The following IPO11 variants were observed in gnomAD, a reference collection of about 807,000 sequenced individuals.
The protein encoded by IPO11 is importin-11.
Under a neutral mutation model 143.2 loss-of-function variants are expected in IPO11, and 66 were observed. The observed-to-expected ratio is 0.46, with a 90% CI of 0.38 to 0.57. The LOEUF (loss-of-function observed/expected upper bound fraction) is 0.57, where lower values mean the gene tolerates loss of function less well. Among genes scored for constraint, IPO11 ranks in the 20% least tolerant of loss-of-function variants. IPO11 has a pLI of 0.00. For synonymous variants in IPO11, 385 were observed against 377.8 expected (o/e 1.02, Z -0.22); for missense variants, 1,026 against 1,141.0 (o/e 0.90, Z 1.45).
chr5:62,434,299 CTT>C (rs34058984), intron 1 of IPO11, among the ~76,000 whole-genome samples: 1 of 151,118 alleles, frequency 6.6e-6, no homozygotes, highest in Non-Finnish European at 1.5e-5. Context: ...TGCAGTCAGT[CTT>C]TTTTTTTGTT....
chr5:62,619,555 T>C (rs1392366882), intron 29 of IPO11, among the ~76,000 whole-genome samples: 1 of 152,142 alleles, frequency 6.6e-6, no homozygotes, highest in Non-Finnish European at 1.5e-5. Flanking sequence ...AAATATCTGT[T>C]TGAAACTGCA....
At chr5:62,485,800 T>TG (rs1746376856) in intron 12 of IPO11, among the ~76,000 whole-genome samples, 1 of 148,662 alleles carries the variant, frequency 6.7e-6, no homozygotes, top group African/African-American at 2.5e-5. Flanking sequence ...CCGTGTGCCA[T>TG]GATGATGCCA....
chr5:62,541,329 C>T (rs566017422), intron 24 of IPO11, among the ~76,000 whole-genome samples: 13 of 151,394 alleles, frequency 8.6e-5, no homozygotes, highest in African/African-American at 3.2e-4. Flanking sequence ...CGAGATGACG[C>T]CATTGCACTT....
chr5:62,484,144 G>A lies in IPO11; in HGVS notation c.1156G>A (p.Glu386Lys). The A allele has an allele frequency of 6.3e-7, 1 of 1,597,716 alleles. No individual in the cohort carries two copies. Among genetic ancestry groups the A allele is most frequent in the Non-Finnish European group, 8.5e-7 (1 of 1,175,806 alleles). The change falls in exon 11 of 30, where the codon GAA (glutamate) becomes AAA (lysine). Residue 386 changes from glutamate to lysine, a missense_variant. Glu to Lys is a moderately conservative substitution (Grantham distance 56). This residue lies in a region of IPO11 where 429 missense variants were observed against 456.3 expected (regional missense o/e 0.94). Transcript: ENST00000325324. ...LTEEELTMWE[E>K]DPEGFTVEET... Reference sequence around the variant, plus strand: ...TGAAGAAGAACTGACAATGTGGGAAGAAGACCCAGAAGGCTTTAGTAAGAA... The same window carrying A: ...TGAAGAAGAACTGACAATGTGGGAAAAAGACCCAGAAGGCTTTAGTAAGAA...
chr5:62,505,694 G>A (rs1470349056), intron 18 of IPO11, among the ~76,000 whole-genome samples: 4 of 151,962 alleles, frequency 2.6e-5, no homozygotes, highest in Non-Finnish European at 4.4e-5. Context: ...GCCAGACATA[G>A]GGTATTTGTT....
intron 19 of IPO11, among the ~76,000 whole-genome samples, chr5:62,510,564 C>T (rs1198858450): frequency 6.6e-6 from 1 of 152,136 alleles, no homozygotes; most frequent in Non-Finnish European, 1.5e-5. Context: ...AACACTGATA[C>T]AATACTATTA....
rs1381559441 is a variant in IPO11, at chr5:62,580,754, C to T, written c.2583-10823C>T. The stretch of plus-strand genomic sequence containing the variant: ...ATGATGGCCTGGCATAAAGTAACCA[C>T]AAATGGCAGTCCTCTGGAAAATACT... On this transcript the variant is annotated intron_variant, in intron 27 of 29. Transcript: ENST00000325324. 8 of 1,551,446 alleles carry T rather than the reference C, an allele frequency of 5.2e-6. No individual in the cohort carries two copies.
intron 29 of IPO11, 131 bp downstream of exon 29, chr5:62,601,979 T>A (rs989282438): frequency 1.7e-5 from 9 of 530,364 alleles, no homozygotes; most frequent in Admixed American, 3.8e-5. Flanking sequence ...ACAGAATTAA[T>A]GTAAGGTGTA....
chr5:62,538,243 A>G (rs902808837), intron 24 of IPO11, among the ~76,000 whole-genome samples: 2 of 152,212 alleles, frequency 1.3e-5, no homozygotes, highest in Admixed American at 6.5e-5. Flanking sequence ...GCACTTAGGT[A>G]ATCAGAGTAA....
chr5:62,487,754 T>C lies in IPO11; in HGVS notation c.1219-17T>C. 6.5e-7 allele frequency: 1 copy of C among 1,539,834 alleles called. No homozygotes were observed. The highest frequency in any genetic ancestry group is 1.4e-5 in the African/African-American group (1 of 72,128). ...TGCAACTGTTTTGATGAGAAATTTG[T>C]ATTTTTCCCTCTCCAGCCATGCACT... is the stretch of plus-strand genomic sequence containing the variant. On this transcript the variant is annotated splice_polypyrimidine_tract_variant and intron_variant, in intron 12 of 29. Transcript: ENST00000325324.
chr5:62,545,460 A>G (rs1743135295), intron 24 of IPO11, among the ~76,000 whole-genome samples: 1 of 152,136 alleles, frequency 6.6e-6, no homozygotes, highest in South Asian at 2.1e-4. Context: ...AAGATGGATT[A>G]AAGACTTAAG....
chr5:62,614,416 A>G (rs1363650860), intron 29 of IPO11, among the ~76,000 whole-genome samples: 2 of 152,222 alleles, frequency 1.3e-5, no homozygotes, highest in African/African-American at 4.8e-5. Context: ...CCTTCCCGCC[A>G]GCATTGTCAT....
intron 22 of IPO11, among the ~76,000 whole-genome samples, chr5:62,535,662 G>A (rs951447710): frequency 6.6e-6 from 1 of 151,984 alleles, no homozygotes; most frequent in African/African-American, 2.4e-5. Context: ...TGCCTTCAGA[G>A]ACATTTTGAG....
intron 5 of IPO11, among the ~76,000 whole-genome samples, chr5:62,455,234 T>TA (rs908927023): frequency 6.6e-6 from 1 of 151,986 alleles, no homozygotes; most frequent in African/African-American, 2.4e-5. Context: ...GTTTCCTACA[T>TA]AAAAAAATGT....
intron 20 of IPO11, among the ~76,000 whole-genome samples, chr5:62,522,493 C>T (rs1036075572): frequency 6.6e-6 from 1 of 152,084 alleles, no homozygotes; most frequent in Non-Finnish European, 1.5e-5. Context: ...TCATGTTGGC[C>T]GGGCTAGTCT....
chr5:62,470,699 T>A (rs1745732824), intron 7 of IPO11, among the ~76,000 whole-genome samples: 1 of 151,814 alleles, frequency 6.6e-6, no homozygotes, highest in African/African-American at 2.4e-5. Context: ...GTCTGATCAT[T>A]ACATTAATAC....
At chr5:62,619,847 A>G (rs1746281721) in intron 29 of IPO11, among the ~76,000 whole-genome samples, 1 of 151,776 alleles carries the variant, frequency 6.6e-6, no homozygotes, top group South Asian at 2.1e-4. Context: ...TGACAGGGCG[A>G]GACTCCACCT....
At chr5:62,529,215 GT>G (rs1400252243) in intron 21 of IPO11, among the ~76,000 whole-genome samples, 7 of 152,010 alleles carry the variant, frequency 4.6e-5, no homozygotes, top group Admixed American at 1.3e-4. Context: ...ACTTTGTATA[GT>G]TTTTTTGTTT....
intron 27 of IPO11, among the ~76,000 whole-genome samples, chr5:62,573,487 C>G (rs1744213890): frequency 6.6e-6 from 1 of 152,110 alleles, no homozygotes; most frequent in Non-Finnish European, 1.5e-5. Flanking sequence ...TTCTGAATTA[C>G]TGAGTAGCTA....
Sources: gnomAD v4.1 joint callset for allele counts (sites outside exome capture counted in the v4.1 genomes callset) on GRCh38, gnomAD v4.1.1 for gene constraint, gnomAD v4.1.1 regional missense constraint, MANE v1.5 for transcripts, NCBI Gene and HGNC (gene_info 2026-07-23, HGNC 2026-07-21) for gene names.